The following CDX1 variants were observed in gnomAD, a reference collection of about 807,000 sequenced individuals.
CDX1 encodes the protein homeobox protein CDX-1.
In CDX1, 9 loss-of-function variants were observed where a neutral mutation model predicts 16.9. The observed-to-expected ratio is 0.53, with a 90% confidence interval of 0.32 to 0.93. The LOEUF is 0.93. Ranked by LOEUF, CDX1 falls within the 40% of genes least tolerant of loss-of-function variation. The pLI is 0.04. For missense variants in CDX1, 393 were observed against 386.1 expected, an observed-to-expected ratio of 1.02 and a Z score of -0.15; for synonymous variants, 179 against 179.0, an observed-to-expected ratio of 1.00 and a Z score of 0.00.
chr5:150,175,672 A>G (rs1761560725), intron 1 of CDX1, among the ~76,000 whole-genome samples: 1 of 152,206 alleles, frequency 6.6e-6, no homozygotes, highest in Non-Finnish European at 1.5e-5. Context: ...TGTCCCAGGA[A>G]GGGTATCCAT....
chr5:150,169,262 G>C (rs927284635), intron 1 of CDX1, among the ~76,000 whole-genome samples: 3 of 152,150 alleles, frequency 2.0e-5, no homozygotes, highest in Non-Finnish European at 4.4e-5. Flanking sequence ...CTGGGCACGA[G>C]AGCTGCTGAA....
chr5:150,168,629 A>AGAAACTATG (rs1262985889), intron 1 of CDX1, among the ~76,000 whole-genome samples: 1 of 152,256 alleles, frequency 6.6e-6, no homozygotes. Context: ...TTTAAGATGA[A>AGAAACTATG]GAAACTATGG....
In CDX1 at chr5:150,183,557, G is replaced by A. The variant is rs148587387; in HGVS notation, c.675G>A (p.Pro225=). ...KKQQQQQPPQ[P]PMAHDITATP... is the part of the protein sequence containing the mutation. ...AGCAGCAGCAACAGCCCCCACAGCCGCCGATGGCCCACGACATCACGGCCA... is the reference window on the plus strand; with the variant it reads ...AGCAGCAGCAACAGCCCCCACAGCCACCGATGGCCCACGACATCACGGCCA... Residue 225 remains proline (P), a synonymous_variant, in exon 3 of 3, where the codon CCG becomes CCA. Coordinates refer to ENST00000231656, the MANE Select transcript of CDX1 (RefSeq NM_001804.3). The A allele has an allele frequency of 3.3e-5, 53 of 1,612,258 alleles. 1 individual carries two copies. Among genetic ancestry groups the A allele is most frequent in the East Asian group, 1.1e-4 (5 of 44,852 alleles).
intron 1 of CDX1, among the ~76,000 whole-genome samples, chr5:150,169,903 T>G (rs1046592743): frequency 5.3e-5 from 8 of 152,244 alleles, no homozygotes; most frequent in Non-Finnish European, 8.8e-5. Context: ...TGTTCCAGTT[T>G]CACACAAGCG....
In CDX1 at chr5:150,167,222, C is replaced by T. The variant is rs1276105965; in HGVS notation, c.346C>T (p.Leu116Phe). The T allele has an allele frequency of 1.6e-6, 2 of 1,261,524 alleles. No individual in the cohort carries two copies. The highest frequency in any genetic ancestry group is 2.0e-6 in the Non-Finnish European group (2 of 1,008,286). 78.1% of individuals were successfully genotyped at this position (1,261,524 alleles called of 1,614,324 possible). A position where few individuals can be genotyped will look rare whatever the true frequency, so the allele number is the denominator to read the frequency against. Residue 116 changes from leucine to phenylalanine, a missense_variant, in exon 1 of 3, where the codon CTC becomes TTC. Transcript: ENST00000231656. ...GPGPGLLAQP[L>F]GGPGTPSSPG... is the part of the protein sequence containing the mutation. ...CGGCCCGGGCCTCCTGGCGCAGCCC[C>T]TCGGGGGCCCGGGCACACCGTCCTC... is the stretch of plus-strand genomic sequence containing the variant.
At chr5:150,180,370 G>A (rs536227919) in intron 1 of CDX1, among the ~76,000 whole-genome samples, 8 of 152,338 alleles carry the variant, frequency 5.3e-5, no homozygotes, top group South Asian at 2.1e-4. Flanking sequence ...ACATGGAAGC[G>A]TCCAGTGTGG....
intron 1 of CDX1, among the ~76,000 whole-genome samples, chr5:150,181,886 A>G (rs984754222): frequency 3.3e-5 from 5 of 152,184 alleles, no homozygotes; most frequent in African/African-American, 1.2e-4. Flanking sequence ...CTGTGGGATG[A>G]GCTGCATCTC....
chr5:150,176,995 T>TG (rs34313462), intron 1 of CDX1, among the ~76,000 whole-genome samples: 26 of 152,090 alleles, frequency 1.7e-4, no homozygotes, highest in Non-Finnish European at 3.2e-4. Context: ...GTCCAGGCCT[T>TG]GGGGGGCCAA....
At chr5:150,173,474 G>C (rs1278199887) in intron 1 of CDX1, among the ~76,000 whole-genome samples, 1 of 152,188 alleles carries the variant, frequency 6.6e-6, no homozygotes, top group Non-Finnish European at 1.5e-5. Flanking sequence ...AATGTGGCCT[G>C]TTCCTGGAGA....
At position 150,167,111 on chromosome 5, in the gene CDX1, G is replaced by A; in HGVS notation, c.235G>A (p.Gly79Ser). ...CGACTGGGCCGCCGCCTACGGCCCG[G>A]GCCCCGCGGCCCCTGCCGCCAGCCC... ...KDDWAAAYGPGPAAPAASPAS... is the reference protein window; with the variant it reads ...KDDWAAAYGPSPAAPAASPAS... Residue 79 changes from glycine to serine, a missense_variant, in exon 1 of 3, where the codon GGC (glycine) becomes AGC (serine). Gly to Ser is a moderately conservative substitution (Grantham distance 56). Coordinates refer to ENST00000231656, the MANE Select transcript of CDX1 (RefSeq NM_001804.3). 1 of 1,340,482 alleles carries A rather than the reference G, an allele frequency of 7.5e-7. No individual in the cohort carries two copies. The highest frequency in any genetic ancestry group is 9.5e-7 in the Non-Finnish European group (1 of 1,054,422). 83.0% of individuals were successfully genotyped at this position (1,340,482 alleles called of 1,614,324 possible).
intron 1 of CDX1, among the ~76,000 whole-genome samples, chr5:150,178,711 C>G (rs1210181139): frequency 6.6e-6 from 1 of 152,206 alleles, no homozygotes; most frequent in Admixed American, 6.5e-5. Flanking sequence ...GCTTTCCAAC[C>G]TCCAGTGCCC....
At chr5:150,182,691 T>A (rs987904513) in intron 1 of CDX1, 77 bp from the exon 2 acceptor site, 2 of 1,420,984 alleles carry the variant, frequency 1.4e-6, no homozygotes, top group Non-Finnish European at 9.4e-7. Flanking sequence ...GTCTTCCTCC[T>A]GGGGGTCCTG....
chr5:150,166,909 G>C lies in CDX1; in HGVS notation c.33G>C (p.Ser11=), dbSNP rs760785892. ...TGGGCTATGTGCTGGACAAGGATTC[G>C]CCCGTGTACCCCGGCCCAGCCAGGC... MYVGYVLDKD[S]PVYPGPARPA... The change falls in exon 1 of 3, where the codon TCG becomes TCC. Residue 11 remains serine, a synonymous_variant. Coordinates refer to ENST00000231656, the MANE Select transcript of CDX1 (RefSeq NM_001804.3). 1.3e-6 allele frequency: 2 copies of C among 1,517,594 alleles called. No homozygotes were observed. Among genetic ancestry groups the C allele is most frequent in the Admixed American group, 4.3e-5 (2 of 46,806 alleles). The allele number at this position is 1,517,594 out of a possible 1,614,324, so 94.0% of individuals were successfully genotyped here. A position where few individuals can be genotyped will look rare whatever the true frequency, so the allele number is the denominator to read the frequency against.
intron 1 of CDX1, among the ~76,000 whole-genome samples, chr5:150,180,604 G>T (rs1014552550): frequency 1.3e-5 from 2 of 152,124 alleles, no homozygotes; most frequent in South Asian, 2.1e-4. Context: ...GAAGATGAAG[G>T]CTGGGCTGTG....
At position 150,167,128 on chromosome 5, in the gene CDX1, C is replaced by T. The variant is rs1489856563; in HGVS notation, c.252C>T (p.Ala84=). The T allele has an allele frequency of 3.8e-6, 5 of 1,330,720 alleles. No homozygotes were observed. The highest frequency in any genetic ancestry group is 3.2e-5 in the East Asian group (1 of 31,614). 82.4% of individuals were successfully genotyped at this position (1,330,720 alleles called of 1,614,324 possible). ...ACGGCCCGGGCCCCGCGGCCCCTGC[C>T]GCCAGCCCAGCTTCGCTGGCATTCG... ...AAYGPGPAAP[A]ASPASLAFGP... The change falls in exon 1 of 3, where the codon GCC becomes GCT. Residue 84 remains alanine, a synonymous_variant. Transcript: ENST00000231656.
chr5:150,176,392 A>G (rs897130631), intron 1 of CDX1, among the ~76,000 whole-genome samples: 2 of 152,086 alleles, frequency 1.3e-5, no homozygotes, highest in African/African-American at 4.8e-5. Context: ...ACCTCCCCTG[A>G]GCCCCCTCCT....
chr5:150,169,991 C>T (rs1188612445), intron 1 of CDX1, among the ~76,000 whole-genome samples: 1 of 152,172 alleles, frequency 6.6e-6, no homozygotes, highest in African/African-American at 2.4e-5. Flanking sequence ...GGATAAACCC[C>T]ACATTCCTTC....
chr5:150,181,570 C>A (rs150972265), intron 1 of CDX1, among the ~76,000 whole-genome samples: 4 of 152,118 alleles, frequency 2.6e-5, no homozygotes, highest in African/African-American at 9.7e-5. Flanking sequence ...TGAGCCACCG[C>A]GCCTGGCCCT....
intron 1 of CDX1, among the ~76,000 whole-genome samples, chr5:150,177,682 T>C (rs1562057442): frequency 1.3e-5 from 2 of 152,170 alleles, no homozygotes; most frequent in South Asian, 4.1e-4. Flanking sequence ...GCCCAGCACA[T>C]GGATGTGTTG....
Sources: allele counts gnomAD v4.1 joint callset (sites outside exome capture counted in the v4.1 genomes callset), GRCh38; gene constraint gnomAD v4.1.1; transcripts MANE v1.5; gene names NCBI Gene and HGNC (gene_info 2026-07-23, HGNC 2026-07-21).